GGT5: variants seen among roughly 807,000 people sequenced by gnomAD.
The protein encoded by GGT5 is glutathione hydrolase 5 proenzyme.
Under a neutral mutation model 58.1 loss-of-function variants are expected in GGT5, and 50 were observed. The observed-to-expected ratio is 0.86, with a 90% CI of 0.69 to 1.09. The LOEUF (loss-of-function observed/expected upper bound fraction) is 1.09, where lower values mean the gene tolerates loss of function less well. GGT5 is among the 50% of genes least tolerant of loss of function. GGT5 has a pLI of 0.00. For missense variants in GGT5, 800 were observed against 789.4 expected, an observed-to-expected ratio of 1.01 and a Z score of -0.16; for synonymous variants, 370 against 346.1, an observed-to-expected ratio of 1.07 and a Z score of -0.77.
chr22:24,239,110 C>T (rs1025614068), intron 1 of GGT5, among the ~76,000 whole-genome samples: 6 of 146,596 alleles, frequency 4.1e-5, no homozygotes, highest in African/African-American at 1.5e-4. Flanking sequence ...GAGGCCGAGG[C>T]GGGTGTATCA....
chr22:24,244,702 C>T lies in GGT5; in HGVS notation c.24G>A (p.Thr8=), dbSNP rs149450502. 611 of 1,611,822 alleles carry T rather than the reference C, an allele frequency of 3.8e-4. 2 individuals carry two copies. In the East Asian group the frequency reaches 0.011, roughly 29 times the overall value. MARGYGA[T]VSLVLLGLGL... ...CCAGACCCAGCAGGACTAGGCTGAC[C>T]GTGGCCCCGTAGCCCCGGGCCATGG... The change falls in exon 1 of 12, where the codon ACG becomes ACA. Residue 8 remains threonine, a synonymous_variant. Coordinates refer to ENST00000327365, the MANE Select transcript of GGT5 (RefSeq NM_004121.5).
chr22:24,224,076 T>C (rs1334209437), intron 11 of GGT5, among the ~76,000 whole-genome samples: 3 of 151,946 alleles, frequency 2.0e-5, no homozygotes, highest in Non-Finnish European at 2.9e-5. Context: ...ATCAATCTTT[T>C]AAATAGGTCC....
intron 6 of GGT5, among the ~76,000 whole-genome samples, chr22:24,229,663 C>T (rs952442408): frequency 6.6e-6 from 1 of 151,428 alleles, no homozygotes; most frequent in Non-Finnish European, 1.5e-5. Flanking sequence ...GAAACCCCAT[C>T]TCTACTAAAA....
At chr22:24,236,232 G>T (rs936502730) in intron 1 of GGT5, among the ~76,000 whole-genome samples, 1 of 152,092 alleles carries the variant, frequency 6.6e-6, no homozygotes, top group African/African-American at 2.4e-5. Flanking sequence ...CCTAGTCCTC[G>T]TTGTCTTAGA....
intron 1 of GGT5, chr22:24,240,950 G>C (rs2048310078): frequency 6.6e-6 from 1 of 152,152 alleles, no homozygotes. Flanking sequence ...CTGAGGTCGG[G>C]AGTTTGAGAC....
At position 24,225,412 on chromosome 22, in the gene GGT5, C is replaced by T. The variant is rs780434605; in HGVS notation, c.1337-1G>A. On this transcript the variant is annotated splice_acceptor_variant, in intron 9 of 11. Coordinates refer to ENST00000327365, the MANE Select transcript of GGT5 (RefSeq NM_004121.5). LOFTEE classifies it high-confidence loss of function. ...GCTCCACCCACCCTGTCTCCACTCA[C>T]TGCTGAGCAAACAGCGTCTTGGCAA... is the stretch of plus-strand genomic sequence containing the variant. 6.9e-6 allele frequency: 11 copies of T among 1,605,438 alleles called. No homozygotes were observed. The highest frequency in any genetic ancestry group is 9.4e-6 in the Non-Finnish European group (11 of 1,174,838).
Position 24,233,841 on chromosome 22 carries a change from A to G in GGT5, c.304+33T>C, listed in dbSNP as rs761441950. ...GTTACGCAGTGGTGTGGACAAGCCCATCTTCCCCATGGCAGTTCACATGTG... is the reference window on the plus strand; with the variant it reads ...GTTACGCAGTGGTGTGGACAAGCCCGTCTTCCCCATGGCAGTTCACATGTG... On this transcript the variant is annotated intron_variant, in intron 2 of 11. Coordinates refer to ENST00000327365, the MANE Select transcript of GGT5 (RefSeq NM_004121.5). The G allele has an allele frequency of 7.5e-6, 12 of 1,600,400 alleles. No individual in the cohort carries two copies. In the South Asian group the frequency reaches 1.1e-4, roughly 15 times the overall value.
intron 1 of GGT5, among the ~76,000 whole-genome samples, chr22:24,239,806 G>A (rs1442012136): frequency 6.6e-6 from 1 of 151,900 alleles, no homozygotes; most frequent in East Asian, 1.9e-4. Flanking sequence ...CATAGGCTGG[G>A]CGTGGTGGCT....
chr22:24,238,787 TTATATATTTATATATATATA>T lies in GGT5; in HGVS notation c.174-4803_174-4784del, dbSNP rs1569371200. Among the ~76,000 whole-genome samples, 89 of 13,978 alleles carry T rather than the reference TTATATATTTATATATATATA, an allele frequency of 6.4e-3. 2 individuals are homozygous for T. The highest frequency in any genetic ancestry group is 8.3e-3 in the Non-Finnish European group (77 of 9,286). The allele number at this position is 13,978 out of a possible 152,430, so 9.2% of individuals were successfully genotyped here. A position where few individuals can be genotyped will look rare whatever the true frequency, so the allele number is the denominator to read the frequency against. ...TATATATATATATATATAATATATA[TTATATATTTATATATATATA>T]ATATATTATATATATATATATATAT... is the stretch of plus-strand genomic sequence containing the variant. On this transcript the variant is annotated intron_variant, in intron 1 of 11. Transcript: ENST00000327365.
chr22:24,233,602 G>A lies in GGT5; in HGVS notation c.305-9C>T. The A allele has an allele frequency of 6.4e-7, 1 of 1,563,216 alleles. No individual in the cohort carries two copies. Among genetic ancestry groups the A allele is most frequent in the South Asian group, 1.1e-5 (1 of 88,018 alleles). On this transcript the variant is annotated splice_polypyrimidine_tract_variant and intron_variant, in intron 2 of 11. Transcript: ENST00000327365. ...GATGACCTCCACCTTCCCTGGAGTA[G>A]GGCAGGGCAGGTGAGTGGTCATGGA...
intron 1 of GGT5, among the ~76,000 whole-genome samples, chr22:24,238,874 A>ATAT (rs1362031079): frequency 9.7e-5 from 1 of 10,266 alleles, no homozygotes; most frequent in Non-Finnish European, 1.5e-4. Flanking sequence ...TAATATATAT[A>ATAT]ATATATATTA....
In GGT5 at chr22:24,244,319, A is replaced by ACC. The variant is rs766210197; in HGVS notation, c.173+232_173+233dup. ...TGCACACACACACACACACACACCC[A>ACC]CCCACACATACACATACCCACACAC... On this transcript the variant is annotated intron_variant, in intron 1 of 11. Transcript: ENST00000327365. 1,603 of 516,400 alleles carry ACC rather than the reference A, an allele frequency of 3.1e-3. 2 individuals are homozygous for ACC. The highest frequency in any genetic ancestry group is 4.5e-3 in the Non-Finnish European group (1,309 of 289,134). The allele number at this position is 516,400 out of a possible 1,614,324, so 32.0% of individuals were successfully genotyped here.
intron 11 of GGT5, among the ~76,000 whole-genome samples, chr22:24,224,210 T>C (rs2047681518): frequency 6.7e-6 from 1 of 150,368 alleles, no homozygotes; most frequent in Non-Finnish European, 1.5e-5. Flanking sequence ...CTGTGGGGAA[T>C]CAAAAAAAAT....
Position 24,230,093 on chromosome 22 carries a change from C to T in GGT5, c.901+1291G>A, listed in dbSNP as rs1042503405. ...ACTAAAAAGATAAAAATCATCTGGGCGCGGTGGCTCATGCCTGTAATCCCA... is the reference window on the plus strand; with the variant it reads ...ACTAAAAAGATAAAAATCATCTGGGTGCGGTGGCTCATGCCTGTAATCCCA... On this transcript the variant is annotated intron_variant, in intron 6 of 11. Coordinates refer to ENST00000327365, the MANE Select transcript of GGT5 (RefSeq NM_004121.5). Among the ~76,000 whole-genome samples the T allele has an allele frequency of 3.3e-5, 5 of 151,178 alleles. No individual in the cohort carries two copies. The East Asian group carries it at 5.9e-4, about 18-fold the overall frequency.
chr22:24,234,140 A>G (rs2048032626), intron 1 of GGT5, 136 bp from the exon 2 acceptor site: 1 of 772,196 alleles, frequency 1.3e-6, no homozygotes, highest in African/African-American at 1.7e-5. Flanking sequence ...ATTAGGTTGC[A>G]GAACACAACC....
rs775063093 is a variant in GGT5, at chr22:24,233,562, C to T, written c.336G>A (p.Thr112=). 5 of 1,609,412 alleles carry T rather than the reference C, an allele frequency of 3.1e-6. No homozygotes were observed. Among genetic ancestry groups the T allele is most frequent in the East Asian group, 2.2e-5 (1 of 44,860 alleles). Residue 112 remains threonine (T), a synonymous_variant, in exon 3 of 12, where the codon ACG becomes ACA. Coordinates refer to ENST00000327365, the MANE Select transcript of GGT5 (RefSeq NM_004121.5). ...GGCTCGGGGCGTGGCTGGCCGGCACCGTCTCCCGGGCATTGATGACCTCCA... is the reference window on the plus strand; with the variant it reads ...GGCTCGGGGCGTGGCTGGCCGGCACTGTCTCCCGGGCATTGATGACCTCCA... ...GKVEVINARE[T]VPASHAPSLL...
At chr22:24,228,385 G>A (rs537921102) in intron 6 of GGT5, among the ~76,000 whole-genome samples, 4 of 151,448 alleles carry the variant, frequency 2.6e-5, no homozygotes, top group Non-Finnish European at 2.9e-5. Context: ...CCCATGAGTG[G>A]CCTGTCCAGT....
intron 10 of GGT5, 26 bp downstream of exon 10, chr22:24,225,219 A>T: frequency 6.2e-7 from 1 of 1,609,902 alleles, no homozygotes. Flanking sequence ...GAGAGGAGAC[A>T]CTCGAGCCAG....
rs1296944090 is a variant in GGT5, at chr22:24,238,925, A to T, written c.174-4921T>A. On this transcript the variant is annotated intron_variant, in intron 1 of 11. Coordinates refer to ENST00000327365, the MANE Select transcript of GGT5 (RefSeq NM_004121.5). ...TATATATTATATATATTATATATAT[A>T]ATATATATTATATAATATATATATA... Among the ~76,000 whole-genome samples, 35 of 20,888 alleles carry T rather than the reference A, an allele frequency of 1.7e-3. 1 individual carries two copies. Among genetic ancestry groups the T allele is most frequent in the Admixed American group, 3.1e-3 (3 of 954 alleles). The allele number at this position is 20,888 out of a possible 152,430, so 13.7% of individuals were successfully genotyped here. A position where few individuals can be genotyped will look rare whatever the true frequency, so the allele number is the denominator to read the frequency against.
Sources: allele counts gnomAD v4.1 joint callset (sites outside exome capture counted in the v4.1 genomes callset), GRCh38; gene constraint gnomAD v4.1.1; transcripts MANE v1.5; gene names NCBI Gene and HGNC (gene_info 2026-07-23, HGNC 2026-07-21).